The following DDB1 variants were observed in gnomAD, a reference collection of about 807,000 sequenced individuals.
The protein encoded by DDB1 is DNA damage-binding protein 1.
A neutral mutation model predicts 133.1 loss-of-function variants in DDB1; 18 were observed. The ratio of observed to expected loss-of-function variants is 0.14; its 90% confidence interval spans 0.09 to 0.20. DDB1 has a LOEUF of 0.20. Among genes scored for constraint, DDB1 ranks in the 10% least tolerant of loss-of-function variants. The pLI, the probability that DDB1 is intolerant of heterozygous loss-of-function variation, is 1.00. For synonymous variants in DDB1, 580 were observed against 550.5 expected, an observed-to-expected ratio of 1.05 and a Z score of -0.75; for missense variants, 828 against 1,459.2, an observed-to-expected ratio of 0.57 and a Z score of 7.05.
In DDB1 at chr11:61,333,010, T is replaced by C. The variant is rs897938290; in HGVS notation, c.-42A>G. On this transcript the variant is annotated 5_prime_UTR_variant, in exon 1 of 27. Coordinates refer to ENST00000301764, the MANE Select transcript of DDB1 (RefSeq NM_001923.5). ...GCCCGTCGGGACTCGAGCGCGACAC[T>C]AGAAAGAGGGACACAAGCGAAAAGA... 4.1e-6 allele frequency: 6 copies of C among 1,460,256 alleles called. No individual in the cohort carries two copies. Among genetic ancestry groups the C allele is most frequent in the Admixed American group, 5.0e-5 (2 of 40,300 alleles). The allele number at this position is 1,460,256 out of a possible 1,614,324, so 90.5% of individuals were successfully genotyped here.
rs773579267 is a variant in DDB1, at chr11:61,309,007, C to T, written c.2637G>A (p.Lys879=). 3.1e-6 allele frequency: 5 copies of T among 1,614,212 alleles called. No individual in the cohort carries two copies. In the East Asian group the frequency reaches 1.1e-4, roughly 36 times the overall value. ...CCGTGCTATTGATGCTGGCTAACAG[C>T]TTCCCGTTAAATTCCACCATAGAGT... The part of the protein sequence containing the change: ...AVYSMVEFNG[K]LLASINSTVR... Residue 879 remains lysine (K), a synonymous_variant, in exon 21 of 27, where the codon AAG becomes AAA. Coordinates refer to ENST00000301764, the MANE Select transcript of DDB1 (RefSeq NM_001923.5).
At chr11:61,321,729 C>G in intron 9 of DDB1, 32 bp from the exon 10 acceptor site, 2 of 1,594,486 alleles carry the variant, frequency 1.3e-6, no homozygotes, top group Non-Finnish European at 1.7e-6. Flanking sequence ...CTAAAGAACC[C>G]CCTCAAGATA....
chr11:61,315,482 G>A (rs1856048106), intron 12 of DDB1: 1 of 152,216 alleles, frequency 6.6e-6, no homozygotes, highest in Non-Finnish European at 1.5e-5. Flanking sequence ...CAAACTGACA[G>A]AACTTTCCCT....
chr11:61,316,988 T>TATATAC, intron 10 of DDB1, among the ~76,000 whole-genome samples: 1 of 77,132 alleles, frequency 1.3e-5, no homozygotes, highest in South Asian at 4.2e-4. Flanking sequence ...TATATATATA[T>TATATAC]ATATATATAT....
In DDB1 at chr11:61,314,079, A is replaced by G; in HGVS notation, c.1721T>C (p.Phe574Ser). The G allele has an allele frequency of 6.2e-7, 1 of 1,614,140 alleles. No homozygotes were observed. The highest frequency in any genetic ancestry group is 8.5e-7 in the Non-Finnish European group (1 of 1,180,008). The change falls in exon 14 of 27, where the codon TTT (phenylalanine) becomes TCT (serine). Residue 574 changes from phenylalanine (F) to serine (S), a missense_variant. Around this residue, in one of 7 missense-constraint regions of DDB1, gnomAD observed 396 missense variants for 554.1 expected, o/e 0.71. Transcript: ENST00000301764. Reference sequence around the variant, plus strand: ...CAGCATCTCCTTGTGCAGTAGTTCAAAAGAGGGCAACTTCAAGATACGAGC... The same window carrying G: ...CAGCATCTCCTTGTGCAGTAGTTCAGAAGAGGGCAACTTCAAGATACGAGC... The part of the protein sequence containing the change: ...ISARILKLPS[F>S]ELLHKEMLGG...
chr11:61,322,752 G>A (rs1020289126), intron 8 of DDB1: 2 of 545,914 alleles, frequency 3.7e-6, no homozygotes, highest in Non-Finnish European at 6.5e-6. Flanking sequence ...ATTAAACTAT[G>A]ACCTATTTGA....
At chr11:61,325,911 T>C (rs1565037845) in intron 5 of DDB1, 1 of 641,046 alleles carries the variant, frequency 1.6e-6, no homozygotes, top group African/African-American at 1.8e-5. Flanking sequence ...CCTGGTAGTA[T>C]TTTTACTGCC....
chr11:61,316,942 GATAGATATATATATAT>G (rs1408212551), intron 10 of DDB1, among the ~76,000 whole-genome samples: 635 of 27,060 alleles, frequency 0.023, 65 homozygotes, highest in African/African-American at 0.051. Context: ...AAAAAAAAAG[GATAGATATATATATAT>G]ATATATATAT....
In DDB1 at chr11:61,329,596, A is replaced by C. The variant is rs779273744; in HGVS notation, c.328-12T>G. The C allele has an allele frequency of 6.3e-7, 1 of 1,596,224 alleles. No homozygotes were observed. Among genetic ancestry groups the C allele is most frequent in the South Asian group, 1.1e-5 (1 of 89,426 alleles). On this transcript the variant is annotated splice_polypyrimidine_tract_variant and intron_variant, in intron 3 of 26. Transcript: ENST00000301764. Reference sequence around the variant, plus strand: ...CGGCCAATGCGGTCCTGAGAAACAAAATCGGGATTAGGGAAGAACCTCAAC... The same window carrying C: ...CGGCCAATGCGGTCCTGAGAAACAACATCGGGATTAGGGAAGAACCTCAAC...
chr11:61,309,913 C>T lies in DDB1; in HGVS notation c.2449G>A (p.Val817Ile). The change falls in exon 20 of 27, where the codon GTT becomes ATT. Residue 817 changes from valine to isoleucine, a missense_variant. Transcript: ENST00000301764. The stretch of plus-strand genomic sequence containing the variant: ...GGGTCTTTGCCCAGCTTGCAGGAAA[C>T]CAGACTGAGGGCATATTCATTCTGC... ...FLQNEYALSL[V>I]SCKLGKDPNT... is the part of the protein sequence containing the mutation. 6.2e-7 allele frequency: 1 copy of T among 1,614,168 alleles called. No homozygotes were observed. The highest frequency in any genetic ancestry group is 8.5e-7 in the Non-Finnish European group (1 of 1,180,040).
Position 61,316,341 on chromosome 11 carries a change from C to T in DDB1, c.1354G>A (p.Val452Met), listed in dbSNP as rs373150519. The change falls in exon 12 of 27, where the codon GTG becomes ATG. Residue 452 changes from valine to methionine, a missense_variant. Physicochemically the swap from Val to Met is conservative, Grantham distance 21 (BLOSUM62 1). Transcript: ENST00000301764. ...CAGAAGAAAGTCTGCTGATCATCCA[C>T]GAAACCCATCAGTTCGGTTTCTTCT... ...EVEETELMGF[V>M]DDQQTFFCGN... The T allele has an allele frequency of 8.1e-6, 13 of 1,614,034 alleles. No individual in the cohort carries two copies. The highest frequency in any genetic ancestry group is 5.3e-5 in the African/African-American group (4 of 74,894).
Position 61,325,677 on chromosome 11 carries a change from A to G in DDB1, c.696T>C (p.Ile232=), listed in dbSNP as rs774842134. Residue 232 remains isoleucine, a synonymous_variant, in exon 6 of 27, where the codon ATT becomes ATC. Transcript: ENST00000301764. ...TGTGATAGGTGATTGACTCCTGTCC[A>G]ATGATGATGGCCCCCCCAAAGGGCT... The part of the protein sequence containing the change: ...VPEPFGGAII[I]GQESITYHNG... The G allele has an allele frequency of 4.3e-6, 7 of 1,613,442 alleles. No homozygotes were observed. The South Asian group carries it at 6.6e-5, about 15-fold the overall frequency.
Position 61,300,824 on chromosome 11 carries a change from C to T in DDB1, c.3324G>A (p.Val1108=). 6.2e-7 allele frequency: 1 copy of T among 1,614,210 alleles called. No homozygotes were observed. The highest frequency in any genetic ancestry group is 8.5e-7 in the Non-Finnish European group (1 of 1,180,032). The change falls in exon 26 of 27, where the codon GTG becomes GTA. Residue 1108 remains valine (V), a synonymous_variant. Coordinates refer to ENST00000301764, the MANE Select transcript of DDB1 (RefSeq NM_001923.5). ...LDISRPKMQE[V]VANLQYDDGS... Reference sequence around the variant, plus strand: ...CACAGCTCACCTGTAGGTTTGCCACCACCTCCTGCATCTTGGGGCGGCTAA... The same window carrying T: ...CACAGCTCACCTGTAGGTTTGCCACTACCTCCTGCATCTTGGGGCGGCTAA...
chr11:61,304,408 G>A (rs1855850646), intron 21 of DDB1, among the ~76,000 whole-genome samples: 1 of 152,002 alleles, frequency 6.6e-6, no homozygotes, highest in Admixed American at 6.6e-5. Context: ...GTTGCAGTGA[G>A]CTGAGCTGAG....
At chr11:61,304,466 CAAA>C (rs1379130515) in intron 21 of DDB1, among the ~76,000 whole-genome samples, 2 of 149,280 alleles carry the variant, frequency 1.3e-5, no homozygotes, top group African/African-American at 4.9e-5. Context: ...GACTCTGTCT[CAAA>C]AAAAAGAAAG....
chr11:61,300,615 C>T (rs1401811492), intron 26 of DDB1, among the ~76,000 whole-genome samples, 194 bp downstream of exon 26: 2 of 152,224 alleles, frequency 1.3e-5, no homozygotes, highest in Non-Finnish European at 2.9e-5. Flanking sequence ...GCATCTGGTA[C>T]CTAGTGGGTA....
intron 10 of DDB1, among the ~76,000 whole-genome samples, chr11:61,316,988 T>TATAG (rs1565034321): frequency 6.5e-5 from 5 of 77,132 alleles, no homozygotes; most frequent in African/African-American, 1.5e-4. Flanking sequence ...TATATATATA[T>TATAG]ATATATATAT....
intron 22 of DDB1, 86 bp from the exon 23 acceptor site, chr11:61,303,241 G>A (rs529758896): frequency 2.5e-6 from 3 of 1,216,452 alleles, no homozygotes; most frequent in African/African-American, 1.5e-5. Context: ...CTTTATTCAG[G>A]AGCAAGGCCC....
intron 26 of DDB1, 123 bp from the exon 27 acceptor site, chr11:61,300,342 C>G: frequency 1.0e-6 from 1 of 1,003,912 alleles, no homozygotes; most frequent in Non-Finnish European, 1.5e-6. Context: ...AGGAAGGACT[C>G]ACCAGAAACC....
Sources: allele counts gnomAD v4.1 joint callset (sites outside exome capture counted in the v4.1 genomes callset), GRCh38; gene constraint gnomAD v4.1.1; regional missense constraint gnomAD v4.1.1; transcripts MANE v1.5; gene names NCBI Gene and HGNC (gene_info 2026-07-23, HGNC 2026-07-21).